The following GRAMD2B variants were observed in gnomAD, a reference collection of about 807,000 sequenced individuals.
The protein encoded by GRAMD2B is GRAM domain-containing protein 2B.
GRAMD2B carries 41 observed loss-of-function variants against 59.2 expected under a neutral mutation model. That is an observed-to-expected ratio of 0.69 (90% CI 0.54 to 0.90). The LOEUF (loss-of-function observed/expected upper bound fraction) is 0.90, where lower values mean the gene tolerates loss of function less well. GRAMD2B is among the 40% of genes least tolerant of loss of function. The pLI is 0.00. For synonymous variants in GRAMD2B, 161 were observed against 182.7 expected (o/e 0.88, Z 0.96); for missense variants, 424 against 500.5 (o/e 0.85, Z 1.46).
intron 3 of GRAMD2B, among the ~76,000 whole-genome samples, chr5:126,470,116 T>G (rs914409427): frequency 6.6e-6 from 1 of 152,118 alleles, no homozygotes; most frequent in Non-Finnish European, 1.5e-5. Context: ...GTGACATCCT[T>G]GTACTGAAAT....
At chr5:126,382,850 G>T (rs909423391) in intron 1 of GRAMD2B, among the ~76,000 whole-genome samples, 6 of 152,258 alleles carry the variant, frequency 3.9e-5, no homozygotes, top group South Asian at 2.1e-4. Context: ...GGGGCTCAAG[G>T]GCTGCTGTTC....
rs1767538223 is a variant in GRAMD2B at position 126,462,381 on chromosome 5, A to T, written c.84-3045A>T. On this transcript the variant is annotated intron_variant, in intron 1 of 13. Transcript: ENST00000285689. ...CCTCCCACGCTGCTCACTCAAACAC[A>T]CGCTAGCCTCTGCTGCTTGAATTCT... is the stretch of plus-strand genomic sequence containing the variant. The T allele has an allele frequency of 3.0e-6, 3 of 984,448 alleles. 1 individual carries two copies. In the South Asian group the frequency reaches 1.4e-4, roughly 46 times the overall value. The allele number at this position is 984,448 out of a possible 1,614,324, so 61.0% of individuals were successfully genotyped here. A position where few individuals can be genotyped will look rare whatever the true frequency, so the allele number is the denominator to read the frequency against.
At chr5:126,383,292 A>T (rs1755818390) in intron 1 of GRAMD2B, among the ~76,000 whole-genome samples, 1 of 152,212 alleles carries the variant, frequency 6.6e-6, no homozygotes, top group South Asian at 2.1e-4. Context: ...TTTAGGCTTC[A>T]TGTTTCATAA....
At chr5:126,444,675 ATCTTT>A (rs1379370114) in intron 1 of GRAMD2B, among the ~76,000 whole-genome samples, 1 of 152,148 alleles carries the variant, frequency 6.6e-6, no homozygotes, top group Non-Finnish European at 1.5e-5. Flanking sequence ...AACCCAGACA[ATCTTT>A]TCTTTTCTTC....
In GRAMD2B at chr5:126,493,084, T is replaced by A; in HGVS notation, c.*128T>A. The A allele has an allele frequency of 1.5e-6, 1 of 676,330 alleles. No individual in the cohort carries two copies. Among genetic ancestry groups the A allele is most frequent in the Non-Finnish European group, 2.7e-6 (1 of 376,260 alleles). The allele number at this position is 676,330 out of a possible 1,614,324, so 41.9% of individuals were successfully genotyped here. On this transcript the variant is annotated 3_prime_UTR_variant, in exon 14 of 14. Transcript: ENST00000285689. ...AGCAGATGAGAATCCAGACATTGCA[T>A]GTGGAGGTCTCCAGCTCAGGAAAGT...
chr5:126,408,836 C>A (rs1274492803), intron 1 of GRAMD2B, among the ~76,000 whole-genome samples: 1 of 106,962 alleles, frequency 9.3e-6, no homozygotes, highest in Non-Finnish European at 1.8e-5. Flanking sequence ...CTATCCCTCC[C>A]CCCTCCCCCC....
At chr5:126,408,963 G>C (rs1328288045) in intron 1 of GRAMD2B, among the ~76,000 whole-genome samples, 2 of 150,850 alleles carry the variant, frequency 1.3e-5, no homozygotes, top group Admixed American at 1.3e-4. Flanking sequence ...TCCTGCGATA[G>C]TTTACTGAGA....
At chr5:126,391,124 T>G (rs976511009) in intron 1 of GRAMD2B, among the ~76,000 whole-genome samples, 1 of 151,794 alleles carries the variant, frequency 6.6e-6, no homozygotes, top group Non-Finnish European at 1.5e-5. Flanking sequence ...ATGAATCAGT[T>G]GAGGTCAGGA....
intron 10 of GRAMD2B, 70 bp from the exon 11 acceptor site, chr5:126,485,616 T>C (rs1178538394): frequency 2.6e-5 from 23 of 887,188 alleles, no homozygotes; most frequent in Non-Finnish European, 3.7e-5. Context: ...AAGTACCCCA[T>C]AGGGATATTG....
intron 1 of GRAMD2B, among the ~76,000 whole-genome samples, chr5:126,449,670 C>A (rs915043512): frequency 6.6e-6 from 1 of 152,170 alleles, no homozygotes; most frequent in African/African-American, 2.4e-5. Flanking sequence ...TGTCTTTCTT[C>A]TCTAGAAGTT....
At chr5:126,473,414 A>G in intron 5 of GRAMD2B, 46 bp downstream of exon 5, 1 of 562,330 alleles carries the variant, frequency 1.8e-6, no homozygotes, top group East Asian at 3.3e-5. Flanking sequence ...ACTTTATTAT[A>G]TATGGTAAAT....
intron 1 of GRAMD2B, among the ~76,000 whole-genome samples, chr5:126,383,998 G>A (rs1252485484): frequency 6.6e-6 from 1 of 152,082 alleles, no homozygotes; most frequent in Non-Finnish European, 1.5e-5. Context: ...GACAACGAGG[G>A]AGATCCACAG....
chr5:126,378,395 T>C (rs1004348201), intron 1 of GRAMD2B, among the ~76,000 whole-genome samples: 1 of 152,228 alleles, frequency 6.6e-6, no homozygotes, highest in East Asian at 1.9e-4. Flanking sequence ...GATTTGGAGA[T>C]GTTTATGGAA....
Position 126,411,244 on chromosome 5 carries a change from T to A in GRAMD2B, c.125+39677T>A, listed in dbSNP as rs1032822635. Reference sequence around the variant, plus strand: ...GATTCTTACAGTCTGAGGTCTTACATTAAAATCTTTTATCCATCTTGAGTT... The same window carrying A: ...GATTCTTACAGTCTGAGGTCTTACAATAAAATCTTTTATCCATCTTGAGTT... On this transcript the variant is annotated intron_variant, in intron 1 of 8. Coordinates refer to the GRAMD2B transcript ENST00000506445. Among the ~76,000 whole-genome samples the A allele has an allele frequency of 1.1e-4, 16 of 152,288 alleles. No individual in the cohort carries two copies. The East Asian group carries it at 2.9e-3, about 28-fold the overall frequency.
chr5:126,414,458 T>C (rs112088648), intron 1 of GRAMD2B, among the ~76,000 whole-genome samples: 255 of 152,312 alleles, frequency 1.7e-3, no homozygotes, highest in African/African-American at 5.9e-3. Context: ...TGTTTTCATC[T>C]GGTATTCTCG....
intron 1 of GRAMD2B, among the ~76,000 whole-genome samples, chr5:126,398,053 T>TTGCTC (rs1210812750): frequency 1.3e-5 from 2 of 148,736 alleles, no homozygotes; most frequent in Non-Finnish European, 3.0e-5. Flanking sequence ...AGATGGGGTC[T>TTGCTC]TGCTCTGTCA....
intron 1 of GRAMD2B, among the ~76,000 whole-genome samples, chr5:126,430,081 C>G (rs974969910): frequency 6.6e-6 from 1 of 152,196 alleles, no homozygotes; most frequent in Admixed American, 6.5e-5. Flanking sequence ...CCACTTTGCA[C>G]ATTTTCAAAT....
intron 12 of GRAMD2B, among the ~76,000 whole-genome samples, chr5:126,487,420 A>G (rs1043863020): frequency 1.3e-5 from 2 of 152,312 alleles, no homozygotes; most frequent in African/African-American, 4.8e-5. Flanking sequence ...GTCAAGATCA[A>G]TGTGACTAGT....
chr5:126,434,294 T>C (rs1420048689), intron 1 of GRAMD2B, among the ~76,000 whole-genome samples: 1 of 152,152 alleles, frequency 6.6e-6, no homozygotes, highest in Non-Finnish European at 1.5e-5. Flanking sequence ...TAAATTACTT[T>C]TAAATTAAAA....
Sources: gnomAD v4.1 joint callset for allele counts (sites outside exome capture counted in the v4.1 genomes callset) on GRCh38, gnomAD v4.1.1 for gene constraint, MANE v1.5 for transcripts, NCBI Gene and HGNC (gene_info 2026-07-23, HGNC 2026-07-21) for gene names.